Variants in NLRC4 observed in about 807,000 individuals in gnomAD.
The protein encoded by NLRC4 is NLR family CARD domain containing 4, also known as NLR family CARD domain-containing protein 4.
In NLRC4, 63 loss-of-function variants were observed where a neutral mutation model predicts 79.9. The observed-to-expected ratio is 0.79, with a 90% CI of 0.64 to 0.97. NLRC4 has a LOEUF of 0.97. Among genes scored for constraint, NLRC4 ranks in the 50% least tolerant of loss-of-function variants. NLRC4 has a pLI of 0.00. For missense variants in NLRC4, 1,074 were observed against 1,215.2 expected (o/e 0.88, Z 1.73); for synonymous variants, 461 against 456.5 (o/e 1.01, Z -0.12).
At chr2:32,264,433 CAAAAA>C (rs1278984114) in intron 1 of NLRC4, among the ~76,000 whole-genome samples, 3 of 60,906 alleles carry the variant, frequency 4.9e-5, no homozygotes, top group Admixed American at 1.9e-4. Context: ...GACTCTGTCT[CAAAAA>C]AAAAAAAAAA....
At chr2:32,262,986 G>A (rs1172299195) in intron 1 of NLRC4, among the ~76,000 whole-genome samples, 1 of 151,580 alleles carries the variant, frequency 6.6e-6, no homozygotes, top group Non-Finnish European at 1.5e-5. Context: ...AAAGTGCTGG[G>A]ATTACAGGCA....
At position 32,251,840 on chromosome 2, in the gene NLRC4, C is replaced by T. The variant is rs533865164; in HGVS notation, c.263-239G>A. On this transcript the variant is annotated intron_variant, in intron 3 of 8. Transcript: ENST00000402280. ...TTTCCACAACCAAATCTTATAGCAG[C>T]TGGTTGGAAAAGGGAGGAGCTTGTT... 1.2e-4 allele frequency among the ~76,000 whole-genome samples: 18 copies of T among 152,190 alleles called. No homozygotes were observed. In the East Asian group the frequency reaches 3.5e-3, roughly 29 times the overall value.
At chr2:32,233,197 G>GAA (rs2148932385) in intron 8 of NLRC4, among the ~76,000 whole-genome samples, 2 of 113,902 alleles carry the variant, frequency 1.8e-5, no homozygotes, top group Non-Finnish European at 3.6e-5. Flanking sequence ...AGGAAGGAAG[G>GAA]GAGGGAGGGA....
intron 8 of NLRC4, 57 bp from the exon 9 acceptor site, chr2:32,224,822 G>A: frequency 2.4e-5 from 21 of 890,212 alleles, no homozygotes; most frequent in Non-Finnish European, 3.0e-5. Flanking sequence ...AAAAAAAAGA[G>A]AAATAGGTTC....
At chr2:32,240,011 A>C (rs972344042) in intron 5 of NLRC4, among the ~76,000 whole-genome samples, 2 of 152,092 alleles carry the variant, frequency 1.3e-5, no homozygotes, top group Non-Finnish European at 2.9e-5. Context: ...GATGGAGTCT[A>C]TCTCTGTCAC....
chr2:32,238,075 A>G (rs1236364217), intron 6 of NLRC4, 57 bp downstream of exon 6: 4 of 1,278,118 alleles, frequency 3.1e-6, no homozygotes, highest in Middle Eastern at 1.9e-4. Context: ...AATTAGTATA[A>G]TAGTATCACA....
chr2:32,239,281 CAAAGA>C lies in NLRC4; in HGVS notation c.2351-984_2351-980del, dbSNP rs373052867. On this transcript the variant is annotated intron_variant, in intron 5 of 8. Coordinates refer to ENST00000402280, the MANE Select transcript of NLRC4 (RefSeq NM_001199138.2). ...GGGCGACAGAGCGAGACTCCCATCT[CAAAGA>C]AAAGAAAAGAAAAGAAATAAAATAT... Among the ~76,000 whole-genome samples, 52 of 151,958 alleles carry C rather than the reference CAAAGA, an allele frequency of 3.4e-4. No individual in the cohort carries two copies. The South Asian group carries it at 5.8e-3, about 17-fold the overall frequency.
chr2:32,232,489 C>T (rs1686561357), intron 8 of NLRC4, among the ~76,000 whole-genome samples: 1 of 152,210 alleles, frequency 6.6e-6, no homozygotes, highest in Non-Finnish European at 1.5e-5. Context: ...TCTCATTCCA[C>T]ATCTCATGTT....
intron 3 of NLRC4, among the ~76,000 whole-genome samples, chr2:32,251,975 TA>T (rs1410714375): frequency 6.6e-6 from 1 of 152,088 alleles, no homozygotes; most frequent in Non-Finnish European, 1.5e-5. Context: ...ATTTACTAAT[TA>T]AAAAAATAAA....
chr2:32,227,413 G>C (rs1439859374), intron 8 of NLRC4, among the ~76,000 whole-genome samples: 1 of 152,060 alleles, frequency 6.6e-6, no homozygotes, highest in East Asian at 1.9e-4. Context: ...CTTTCTCCCT[G>C]CTCTCTCTTC....
rs1686652685 is a variant in NLRC4 at position 32,235,520 on chromosome 2, C to T, written c.2663G>A (p.Trp888Ter). ...LEQLTALMLP[W>*]GCDVQGSLSS... ...CAGGCTGCCTTGCACGTCACAGCCC[C>T]AGGGCAGCATCAGTGCGGTGAGCTG... The change falls in exon 8 of 9, where the codon TGG (tryptophan) becomes TAG (stop). Residue 888 changes from tryptophan (W) to a stop codon, truncating the protein, a stop_gained. Coordinates refer to ENST00000402280, the MANE Select transcript of NLRC4 (RefSeq NM_001199138.2). LOFTEE classifies it high-confidence loss of function. 1 of 1,614,190 alleles carries T rather than the reference C, an allele frequency of 6.2e-7. No homozygotes were observed. Among genetic ancestry groups the T allele is most frequent in the Non-Finnish European group, 8.5e-7 (1 of 1,180,022 alleles).
intron 2 of NLRC4, among the ~76,000 whole-genome samples, chr2:32,255,624 T>A (rs183993177): frequency 5.8e-4 from 88 of 151,912 alleles, no homozygotes; most frequent in African/African-American, 2.1e-3. Context: ...TTTCTTCACC[T>A]ATAAAATGAA....
chr2:32,233,349 A>ATTTTTTTT (rs1176305976), intron 8 of NLRC4, among the ~76,000 whole-genome samples: 2 of 41,102 alleles, frequency 4.9e-5, no homozygotes, highest in African/African-American at 1.9e-4. Context: ...ATATATATAT[A>ATTTTTTTT]TTTTTTTTTT....
At chr2:32,236,174 AC>A in intron 7 of NLRC4, 72 bp downstream of exon 7, 2 of 917,074 alleles carry the variant, frequency 2.2e-6, no homozygotes, top group South Asian at 1.5e-5. Context: ...AGACCTCAGG[AC>A]CCAGGCTATG....
rs774537513 is a variant in NLRC4, at chr2:32,224,473, T to C, written c.3075A>G (p.Ter1025=). ...ITGAFKLVTA[*] ...CTTACTGGCTTCGAGTACACTTTAT[T>C]TAAGCAGTTACTAGTTTAAAAGCAC... is the stretch of plus-strand genomic sequence containing the variant. Residue 1025 remains the stop codon, a stop_retained_variant, in exon 9 of 9, where the codon TAA becomes TAG. Coordinates refer to ENST00000402280, the MANE Select transcript of NLRC4 (RefSeq NM_001199138.2). The C allele has an allele frequency of 6.3e-7, 1 of 1,589,712 alleles. No homozygotes were observed. Among genetic ancestry groups the C allele is most frequent in the Admixed American group, 1.8e-5 (1 of 55,786 alleles).
At chr2:32,239,204 C>T (rs998104583) in intron 5 of NLRC4, among the ~76,000 whole-genome samples, 6 of 152,120 alleles carry the variant, frequency 3.9e-5, no homozygotes, top group African/African-American at 1.4e-4. Flanking sequence ...TCGCTTGAAC[C>T]CAGGAGGCAG....
chr2:32,239,998 C>G (rs889615000), intron 5 of NLRC4, among the ~76,000 whole-genome samples: 1 of 151,954 alleles, frequency 6.6e-6, no homozygotes, highest in Non-Finnish European at 1.5e-5. Flanking sequence ...GTTTTTGTTT[C>G]AAGATGGAGT....
At chr2:32,238,437 A>G in intron 5 of NLRC4, 135 bp from the exon 6 acceptor site, 2 of 708,342 alleles carry the variant, frequency 2.8e-6, no homozygotes, top group Non-Finnish European at 4.6e-6. Flanking sequence ...ACTTTAAGTT[A>G]CAAAGAATCA....
chr2:32,253,404 TC>T (rs1687129313), intron 2 of NLRC4, among the ~76,000 whole-genome samples: 1 of 151,966 alleles, frequency 6.6e-6, no homozygotes, highest in Admixed American at 6.5e-5. Flanking sequence ...TGCCTTGGCT[TC>T]CCAAAGTGCT....
Sources: gnomAD v4.1 joint callset for allele counts (sites outside exome capture counted in the v4.1 genomes callset) on GRCh38, gnomAD v4.1.1 for gene constraint, MANE v1.5 for transcripts, NCBI Gene and HGNC (gene_info 2026-07-23, HGNC 2026-07-21) for gene names.